Variants in ADAMTS13 observed in about 807,000 individuals in gnomAD.
The protein encoded by ADAMTS13 is A disintegrin and metalloproteinase with thrombospondin motifs 13.
ADAMTS13 carries 110 observed loss-of-function variants against 155.1 expected under a neutral mutation model. That is an observed-to-expected ratio of 0.71 (90% CI 0.61 to 0.83). ADAMTS13 has a LOEUF of 0.83. Among genes scored for constraint, ADAMTS13 ranks in the 40% least tolerant of loss-of-function variants. The probability of loss-of-function intolerance (pLI) is 0.00; values close to 1 mark genes in which losing one functional copy is unlikely to be tolerated. For missense variants in ADAMTS13, 1,707 were observed against 1,891.7 expected, an observed-to-expected ratio of 0.90 and a Z score of 1.81; for synonymous variants, 758 against 756.4, an observed-to-expected ratio of 1.00 and a Z score of -0.03.
In ADAMTS13 at chr9:133,443,665, G is replaced by A. The variant is rs973936542; in HGVS notation, c.2420+104G>A. On this transcript the variant is annotated intron_variant, in intron 19 of 28. Transcript: ENST00000355699. ...AGAATCCCCTCCTCCTGAGGCCTCC[G>A]GCGGGGCCTCACCATCCAGGGTGAT... 1.8e-5 allele frequency: 24 copies of A among 1,309,080 alleles called. 1 individual carries two copies. In the South Asian group the frequency reaches 2.3e-4, roughly 13 times the overall value. The allele number at this position is 1,309,080 out of a possible 1,614,324, so 81.1% of individuals were successfully genotyped here. A position where few individuals can be genotyped will look rare whatever the true frequency, so the allele number is the denominator to read the frequency against.
At position 133,424,833 on chromosome 9, in the gene ADAMTS13, C is replaced by A. The variant is rs933429612; in HGVS notation, c.330+355C>A. ...TCACACTGCCCTCTGCACCCCGACCCTGCCCTCTCTCCATTCTCTTGTCCC... is the reference window on the plus strand; with the variant it reads ...TCACACTGCCCTCTGCACCCCGACCATGCCCTCTCTCCATTCTCTTGTCCC... On this transcript the variant is annotated intron_variant, in intron 3 of 28. Coordinates refer to ENST00000355699, the MANE Select transcript of ADAMTS13 (RefSeq NM_139027.6). The surrounding 1 kb of genome is among the most constrained non-coding windows in gnomAD (Gnocchi z 4.3). Among the ~76,000 whole-genome samples, 16 of 152,248 alleles carry A rather than the reference C, an allele frequency of 1.1e-4. No individual in the cohort carries two copies. The highest frequency in any genetic ancestry group is 1.0e-4 in the Non-Finnish European group (7 of 68,046).
At chr9:133,427,087 G>A (rs936226159) in intron 6 of ADAMTS13, among the ~76,000 whole-genome samples, 10 of 152,258 alleles carry the variant, frequency 6.6e-5, no homozygotes, top group African/African-American at 1.9e-4. Context: ...ACAGGCGTGA[G>A]CCACTGCATC....
upstream of ADAMTS13, chr9:133,422,220 G>A (rs1839998998): frequency 3.3e-6 from 2 of 606,246 alleles, no homozygotes; most frequent in Admixed American, 5.4e-5. Context: ...AGGTTACCCT[G>A]AACTGCAACC....
chr9:133,454,619 G>T lies in ADAMTS13; in HGVS notation c.3249G>T (p.Glu1083Asp). The T allele has an allele frequency of 6.3e-7, 1 of 1,597,576 alleles. No homozygotes were observed. The highest frequency in any genetic ancestry group is 1.1e-5 in the South Asian group (1 of 90,436). ...GCTGGCATGTTGGCACCTGGATGGAGGTGAGCACAGCGGGCACTCGGAATC... is the reference window on the plus strand; with the variant it reads ...GCTGGCATGTTGGCACCTGGATGGATGTGAGCACAGCGGGCACTCGGAATC... Reference protein sequence around the residue: ...TYRWHVGTWMECSVSCGDGIQ... With the variant: ...TYRWHVGTWMDCSVSCGDGIQ... The change falls in exon 24 of 29, where the codon GAG (glutamate) becomes GAT (aspartate). Residue 1083 changes from glutamate to aspartate, a missense_variant and splice_region_variant. Glu to Asp is a conservative substitution (Grantham distance 45). This residue lies in a region of ADAMTS13 where 961 missense variants were observed against 1,107.9 expected (regional missense o/e 0.87). Transcript: ENST00000355699.
chr9:133,436,778 A>ACCCCCCCCCCCCCCCCCCCCCCCC, intron 11 of ADAMTS13, 51 bp from the exon 12 acceptor site: 3 of 433,946 alleles, frequency 6.9e-6, no homozygotes, highest in Admixed American at 2.7e-5. Context: ...CAGTGACAAC[A>ACCCCCCCCCCCCCCCCCCCCCCCC]CCCGCCCCCC....
rs782338252 is a variant in ADAMTS13 at position 133,422,426 on chromosome 9, G to A, written c.-18G>A. Reference sequence around the variant, plus strand: ...CCCCTCTCACTCCGCTCCACTCCTCGGGCTGGCTCTCCTGAGGATGCACCA... The same window carrying A: ...CCCCTCTCACTCCGCTCCACTCCTCAGGCTGGCTCTCCTGAGGATGCACCA... On this transcript the variant is annotated 5_prime_UTR_variant, in exon 1 of 29. Transcript: ENST00000355699. 9 of 1,610,366 alleles carry A rather than the reference G, an allele frequency of 5.6e-6. No homozygotes were observed. Among genetic ancestry groups the A allele is most frequent in the African/African-American group, 4.0e-5 (3 of 74,866 alleles).
intron 1 of ADAMTS13, chr9:133,415,054 AT>A: frequency 6.6e-7 from 1 of 1,519,530 alleles, no homozygotes. Flanking sequence ...GAATTTGGAA[AT>A]TACACACAGC....
chr9:133,447,518 C>T (rs1204527835), intron 21 of ADAMTS13, among the ~76,000 whole-genome samples: 3 of 152,134 alleles, frequency 2.0e-5, no homozygotes, highest in Non-Finnish European at 2.9e-5. Flanking sequence ...CCTTCTGCCT[C>T]GGCCTCTCAA....
intron 8 of ADAMTS13, among the ~76,000 whole-genome samples, chr9:133,431,972 A>G (rs1840802898): frequency 6.6e-6 from 1 of 152,206 alleles, no homozygotes; most frequent in Admixed American, 6.5e-5. Context: ...TCTGATTTTA[A>G]AAGAAATTAG....
In ADAMTS13 at chr9:133,436,818, C is replaced by A; in HGVS notation, c.1309-11C>A. ...CACCGCCATCCCCCTCCTCTGCCTC[C>A]TCCTGGCCAGGCCTGCGAGAAGACC... On this transcript the variant is annotated splice_polypyrimidine_tract_variant and intron_variant, in intron 11 of 28. Transcript: ENST00000355699. The A allele has an allele frequency of 7.1e-7, 1 of 1,416,650 alleles. No homozygotes were observed. The highest frequency in any genetic ancestry group is 9.4e-7 in the Non-Finnish European group (1 of 1,061,498). 87.8% of individuals were successfully genotyped at this position (1,416,650 alleles called of 1,614,324 possible).
rs1321213895 is a variant in ADAMTS13 at position 133,444,991 on chromosome 9, A to T, written c.2549A>T (p.Asp850Val). Residue 850 changes from aspartate (D) to valine (V), a missense_variant, in exon 20 of 29, where the codon GAT (aspartate) becomes GTT (valine). By Grantham distance (152) the Asp-to-Val change is radical. Coordinates refer to ENST00000355699, the MANE Select transcript of ADAMTS13 (RefSeq NM_139027.6). ...APVTEGPGSV[D>V]EKLPAPEPCV... is the part of the protein sequence containing the mutation. ...GTGACTGAGGGGCCTGGCTCCGTAG[A>T]TGAGAAGCTGCCTGCCCCTGAGCCC... 2.5e-6 allele frequency: 4 copies of T among 1,613,378 alleles called. No homozygotes were observed. In the African/African-American group the frequency reaches 5.3e-5, roughly 22 times the overall value.
At chr9:133,454,296 C>T in intron 23 of ADAMTS13, 119 bp from the exon 24 acceptor site, 5 of 1,254,666 alleles carry the variant, frequency 4.0e-6, no homozygotes, top group South Asian at 2.5e-5. Context: ...TCCATCTTGC[C>T]TGGCCACGGA....
At chr9:133,429,624 A>G (rs933448261) in intron 7 of ADAMTS13, 2 of 469,236 alleles carry the variant, frequency 4.3e-6, no homozygotes, top group South Asian at 1.8e-5. Flanking sequence ...CCACCCGCGT[A>G]CATGTATCCC....
Position 133,437,817 on chromosome 9 carries a change from T to G in ADAMTS13, c.1504T>G (p.Phe502Val), listed in dbSNP as rs782419451. ...CTTCATCATGAAGCGTGGAGACAGCTTCCTCGATGGGACCCGGTGTATGCC... is the reference window on the plus strand; with the variant it reads ...CTTCATCATGAAGCGTGGAGACAGCGTCCTCGATGGGACCCGGTGTATGCC... Reference protein sequence around the residue: ...ESFIMKRGDSFLDGTRCMPSG... With the variant: ...ESFIMKRGDSVLDGTRCMPSG... The change falls in exon 13 of 29, where the codon TTC becomes GTC. Residue 502 changes from phenylalanine to valine, a missense_variant. By Grantham distance (50) the Phe-to-Val change is conservative. Around this residue, in one of 3 missense-constraint regions of ADAMTS13, gnomAD observed 733 missense variants for 749.6 expected, o/e 0.98. Coordinates refer to ENST00000355699, the MANE Select transcript of ADAMTS13 (RefSeq NM_139027.6). 6.2e-7 allele frequency: 1 copy of G among 1,614,010 alleles called. No individual in the cohort carries two copies. Among genetic ancestry groups the G allele is most frequent in the East Asian group, 2.2e-5 (1 of 44,886 alleles).
In ADAMTS13 at chr9:133,448,098, C is replaced by T. The variant is rs587639872; in HGVS notation, c.2732-501C>T. ...CTCTGCCTCCTGGGTTCAAGTGATTCTCCGTCTCAGCCTCCTGAGTAGCTG... is the reference window on the plus strand; with the variant it reads ...CTCTGCCTCCTGGGTTCAAGTGATTTTCCGTCTCAGCCTCCTGAGTAGCTG... On this transcript the variant is annotated intron_variant, in intron 21 of 28. Coordinates refer to ENST00000355699, the MANE Select transcript of ADAMTS13 (RefSeq NM_139027.6). Among the ~76,000 whole-genome samples, 6 of 151,088 alleles carry T rather than the reference C, an allele frequency of 4.0e-5. No individual in the cohort carries two copies. In the East Asian group the frequency reaches 1.2e-3, roughly 30 times the overall value.
chr9:133,417,792 G>C (rs948755512), upstream of ADAMTS13: 4 of 1,609,258 alleles, frequency 2.5e-6, no homozygotes, highest in African/African-American at 5.3e-5. Context: ...ACCCGGCTTA[G>C]CCACGGGGCT....
chr9:133,445,066 G>T lies in ADAMTS13; in HGVS notation c.2610+14G>T. 6.2e-7 allele frequency: 1 copy of T among 1,610,836 alleles called. No individual in the cohort carries two copies. Among genetic ancestry groups the T allele is most frequent in the East Asian group, 2.2e-5 (1 of 44,836 alleles). ...GGCTGGGGCCATGTGAGTGCCCTGG[G>T]CATGAGGGTGGCTGGGGCTGTTGAG... On this transcript the variant is annotated intron_variant, in intron 20 of 28. Coordinates refer to ENST00000355699, the MANE Select transcript of ADAMTS13 (RefSeq NM_139027.6). The surrounding 1 kb of genome is among the most constrained non-coding windows in gnomAD (Gnocchi z 5.0).
chr9:133,456,846 T>C lies in ADAMTS13; in HGVS notation c.3724+127T>C. 4 of 1,240,290 alleles carry C rather than the reference T, an allele frequency of 3.2e-6. No homozygotes were observed. Among genetic ancestry groups the C allele is most frequent in the Admixed American group, 2.0e-5 (1 of 50,554 alleles). The allele number at this position is 1,240,290 out of a possible 1,614,324, so 76.8% of individuals were successfully genotyped here. On this transcript the variant is annotated intron_variant, in intron 27 of 28. Transcript: ENST00000355699. The surrounding 1 kb of genome is among the most constrained non-coding windows in gnomAD (Gnocchi z 4.4). ...AAGATACGGAGGGAACTGACTGAGA[T>C]GGAAGGAACTGGGGTTGGCCAGTGT...
intron 1 of ADAMTS13, 141 bp from the exon 2 acceptor site, chr9:133,422,957 TAAG>T: frequency 2.6e-6 from 1 of 390,136 alleles, no homozygotes; most frequent in Non-Finnish European, 4.6e-6. Context: ...TTTTTTTTTT[TAAG>T]ACATGGGGTC....
Sources: gnomAD v4.1 joint callset for allele counts (sites outside exome capture counted in the v4.1 genomes callset) on GRCh38, gnomAD v4.1.1 for gene constraint, gnomAD v4.1.1 regional missense constraint, Gnocchi (gnomAD v3.1) non-coding constraint, MANE v1.5 for transcripts, NCBI Gene and HGNC (gene_info 2026-07-23, HGNC 2026-07-21) for gene names.